Variants in NPHS1 observed in about 807,000 individuals in gnomAD.
NPHS1 encodes NPHS1 adhesion molecule, nephrin, also known as nephrin.
A neutral mutation model predicts 139.7 loss-of-function variants in NPHS1; 107 were observed. The ratio of observed to expected loss-of-function variants is 0.77; its 90% CI spans 0.66 to 0.90. The LOEUF is 0.90. Among genes scored for constraint, NPHS1 ranks in the 40% least tolerant of loss-of-function variants. The probability of loss-of-function intolerance (pLI) is 0.00; values close to 1 mark genes in which losing one functional copy is unlikely to be tolerated. For synonymous variants in NPHS1, 707 were observed against 706.6 expected, an observed-to-expected ratio of 1.00 and a Z score of -0.01; for missense variants, 1,580 against 1,654.2, an observed-to-expected ratio of 0.96 and a Z score of 0.78.
At position 35,845,977 on chromosome 19, in the gene NPHS1, G is replaced by A; in HGVS notation, c.1627+31C>T. On this transcript the variant is annotated intron_variant, in intron 12 of 28. Coordinates refer to ENST00000378910, the MANE Select transcript of NPHS1 (RefSeq NM_004646.4). The surrounding 1 kb of genome is among the most constrained non-coding windows in gnomAD (Gnocchi z 5.5). ...CACCTGGCTCTGTCCCTCCCGCCCC[G>A]CCCCCGGGCCTCAGCAGTGCGAGCC... The A allele has an allele frequency of 1.5e-6, 1 of 685,526 alleles. No homozygotes were observed. Among genetic ancestry groups the A allele is most frequent in the Middle Eastern group, 2.9e-4 (1 of 3,398 alleles). The allele number at this position is 685,526 out of a possible 1,614,324, so 42.5% of individuals were successfully genotyped here.
chr19:35,834,888 CAAAAAATA>C (rs1972934252), intron 23 of NPHS1, among the ~76,000 whole-genome samples: 2 of 140,806 alleles, frequency 1.4e-5, no homozygotes, highest in South Asian at 2.3e-4. Context: ...GAATCCATCT[CAAAAAATA>C]AAAAAATAAA....
intron 28 of NPHS1, among the ~76,000 whole-genome samples, chr19:35,828,995 G>T (rs1320449569): frequency 1.3e-5 from 2 of 152,212 alleles, no homozygotes; most frequent in African/African-American, 4.8e-5. Context: ...GGCCACACAG[G>T]AAATCAGGGG....
rs1449917839 is a variant in NPHS1, at chr19:35,850,382, G to C, written c.590C>G (p.Thr197Ser). The C allele has an allele frequency of 6.2e-7, 1 of 1,614,076 alleles. No individual in the cohort carries two copies. The highest frequency in any genetic ancestry group is 1.1e-5 in the South Asian group (1 of 91,078). Residue 197 changes from threonine to serine, a missense_variant, in exon 5 of 29, where the codon ACT (threonine) becomes AGT (serine). Transcript: ENST00000378910. ...TCCACACCTGGCTGTGGCCTCCACA[G>C]TGAAGAGTTTCTGCTGGGAGCCCTC... ...VNEGSQQKLF[T>S]VEATARVTPR...
rs909246138 is a variant in NPHS1 at position 35,851,990 on chromosome 19, C to T, written c.-153G>A. On this transcript the variant is annotated 5_prime_UTR_variant, in exon 1 of 29. Transcript: ENST00000378910. ...TCCTCCCTTTCTCGTTTTCCTCTTC[C>T]CCTCTTCCCTGTGAGTATCTCTCTC... 2.0e-5 allele frequency among the ~76,000 whole-genome samples: 3 copies of T among 152,100 alleles called. No homozygotes were observed. Among genetic ancestry groups the T allele is most frequent in the African/African-American group, 4.8e-5 (2 of 41,416 alleles).
In NPHS1 at chr19:35,835,764, G is replaced by C; in HGVS notation, c.3110-3C>G. 6.2e-7 allele frequency: 1 copy of C among 1,611,304 alleles called. No homozygotes were observed. The highest frequency in any genetic ancestry group is 8.5e-7 in the Non-Finnish European group (1 of 1,177,858). On this transcript the variant is annotated splice_polypyrimidine_tract_variant and splice_region_variant and intron_variant, in intron 22 of 28. Transcript: ENST00000378910. The stretch of plus-strand genomic sequence containing the variant: ...TTCTCCAGAAGGCTGGTGGAGACCT[G>C]GGGGGTGGATATACAGATTGTGACT...
At chr19:35,850,581 G>T in intron 4 of NPHS1, 136 bp from the exon 5 acceptor site, 1 of 795,034 alleles carries the variant, frequency 1.3e-6, no homozygotes, top group Non-Finnish European at 2.2e-6. Context: ...CTGGGGCAGA[G>T]CTGCATCCCC....
chr19:35,839,432 G>C lies in NPHS1; in HGVS notation c.2928-14C>G. 2 of 1,614,012 alleles carry C rather than the reference G, an allele frequency of 1.2e-6. No individual in the cohort carries two copies. The highest frequency in any genetic ancestry group is 1.7e-6 in the Non-Finnish European group (2 of 1,179,940). On this transcript the variant is annotated splice_polypyrimidine_tract_variant and intron_variant, in intron 21 of 28. Transcript: ENST00000378910. ...AGGGCCTCATACCTGCAGGACAGGG[G>C]GATAGTAAATTCAGGGAAGTGCCCT... is the stretch of plus-strand genomic sequence containing the variant.
rs562005528 is a variant in NPHS1 at position 35,845,343 on chromosome 19, G to C, written c.1930+25C>G. 25 of 1,613,960 alleles carry C rather than the reference G, an allele frequency of 1.5e-5. No individual in the cohort carries two copies. The highest frequency in any genetic ancestry group is 1.7e-4 in the Middle Eastern group (1 of 6,016). ...GTTTAGGGTCAAGAAGGCATCGAGAGGGGCTTTCAGGCCGGGGCACATACA... is the reference window on the plus strand; with the variant it reads ...GTTTAGGGTCAAGAAGGCATCGAGACGGGCTTTCAGGCCGGGGCACATACA... On this transcript the variant is annotated intron_variant, in intron 14 of 28. Coordinates refer to ENST00000378910, the MANE Select transcript of NPHS1 (RefSeq NM_004646.4). The surrounding 1 kb of genome is among the most constrained non-coding windows in gnomAD (Gnocchi z 5.5).
At chr19:35,835,908 T>C in intron 22 of NPHS1, 147 bp from the exon 23 acceptor site, 1 of 689,574 alleles carries the variant, frequency 1.5e-6, no homozygotes, top group Non-Finnish European at 2.6e-6. Context: ...TAGAAATTGC[T>C]GATAATAATG....
chr19:35,847,321 AG>A (rs1010773990), intron 11 of NPHS1, among the ~76,000 whole-genome samples: 42 of 133,832 alleles, frequency 3.1e-4, no homozygotes, highest in Non-Finnish European at 5.8e-4. Context: ...CTGGGATTAC[AG>A]GCGTGAGCCA....
At chr19:35,828,348 C>T (rs1186740003) in intron 28 of NPHS1, among the ~76,000 whole-genome samples, 4 of 152,110 alleles carry the variant, frequency 2.6e-5, no homozygotes, top group Non-Finnish European at 4.4e-5. Context: ...TCACTGCAAC[C>T]TCCGCCTCCC....
Position 35,850,418 on chromosome 19 carries a change from G to C in NPHS1, c.554C>G (p.Ala185Gly), listed in dbSNP as rs1033274996. Reference protein sequence around the residue: ...LSGQTISDISANVNEGSQQKL... With the variant: ...LSGQTISDISGNVNEGSQQKL... ...CTGCTGGGAGCCCTCGTTCACGTTT[G>C]CAGAGATGTCAGATATTGTCTGTCC... The change falls in exon 5 of 29, where the codon GCA becomes GGA. Residue 185 changes from alanine to glycine, a missense_variant. Transcript: ENST00000378910. 5 of 1,614,154 alleles carry C rather than the reference G, an allele frequency of 3.1e-6. No homozygotes were observed. Among genetic ancestry groups the C allele is most frequent in the Non-Finnish European group, 4.2e-6 (5 of 1,179,996 alleles).
At chr19:35,828,799 G>T (rs1360967774) in intron 28 of NPHS1, among the ~76,000 whole-genome samples, 1 of 152,200 alleles carries the variant, frequency 6.6e-6, no homozygotes, top group Non-Finnish European at 1.5e-5. Context: ...CTACTATCCG[G>T]CCCTGTTCGG....
intron 28 of NPHS1, among the ~76,000 whole-genome samples, chr19:35,829,391 T>C (rs1972843907): frequency 6.6e-6 from 1 of 152,188 alleles, no homozygotes; most frequent in Admixed American, 6.6e-5. Flanking sequence ...TTTCCCTTTC[T>C]TTTTTGAAAC....
rs553532165 is a variant in NPHS1, at chr19:35,835,724, C to A, written c.3147G>T (p.Leu1049=). 6 of 1,613,570 alleles carry A rather than the reference C, an allele frequency of 3.7e-6. No homozygotes were observed. In the African/African-American group the frequency reaches 6.7e-5, roughly 18 times the overall value. The change falls in exon 23 of 29, where the codon CTG becomes CTT. Residue 1049 remains leucine (L), a synonymous_variant. Coordinates refer to ENST00000378910, the MANE Select transcript of NPHS1 (RefSeq NM_004646.4). ...HQPSGEPEDQ[L]PTEPPSGPSG... ...ACTTGCCTGAAGGTGGCTCTGTGGG[C>A]AGCTGGTCTTCAGGTTCTCCAGAAG... is the stretch of plus-strand genomic sequence containing the variant.
intron 17 of NPHS1, 140 bp downstream of exon 17, chr19:35,843,332 T>G: frequency 9.1e-7 from 1 of 1,099,808 alleles, no homozygotes; most frequent in Non-Finnish European, 1.4e-6. Context: ...CAACAGTTAT[T>G]CATTCTGGGA....
intron 18 of NPHS1, 29 bp downstream of exon 18, chr19:35,842,350 T>C: frequency 6.2e-7 from 1 of 1,612,910 alleles, no homozygotes; most frequent in East Asian, 2.2e-5. Context: ...GTGGCAGGTC[T>C]TGAAGTCAGG....
chr19:35,843,831 G>A (rs2146821421), intron 16 of NPHS1: 1 of 650,018 alleles, frequency 1.5e-6, no homozygotes, highest in Non-Finnish European at 2.6e-6. Context: ...AATTGTGTGT[G>A]TAGCAGGGCT....
chr19:35,836,533 G>C (rs1449546496), intron 22 of NPHS1, among the ~76,000 whole-genome samples: 2 of 152,074 alleles, frequency 1.3e-5, no homozygotes, highest in Non-Finnish European at 2.9e-5. Context: ...CCTTAATAAA[G>C]GTACAAGTTC....
Sources: allele counts gnomAD v4.1 joint callset (sites outside exome capture counted in the v4.1 genomes callset), GRCh38; gene constraint gnomAD v4.1.1; non-coding constraint Gnocchi (gnomAD v3.1); transcripts MANE v1.5; gene names NCBI Gene and HGNC (gene_info 2026-07-23, HGNC 2026-07-21).